Variants in SNX29 observed in about 807,000 individuals in gnomAD.
SNX29 encodes sorting nexin-29.
SNX29 carries 78 observed loss-of-function variants against 102.1 expected under a neutral mutation model. The observed-to-expected ratio is 0.76, with a 90% CI of 0.64 to 0.92. The LOEUF (loss-of-function observed/expected upper bound fraction) is 0.92, where lower values mean the gene tolerates loss of function less well. Ranked by LOEUF, SNX29 falls within the 40% of genes least tolerant of loss-of-function variation. The pLI, the probability that SNX29 is intolerant of heterozygous loss-of-function variation, is 0.00. For synonymous variants in SNX29, 580 were observed against 414.5 expected (o/e 1.40, Z -4.85); for missense variants, 1,280 against 1,061.7 (o/e 1.21, Z -2.86).
rs574895854 is a variant in SNX29 at position 12,246,392 on chromosome 16, G to C, written c.1679-31541G>C. On this transcript the variant is annotated intron_variant, in intron 14 of 20. Coordinates refer to ENST00000566228, the MANE Select transcript of SNX29 (RefSeq NM_032167.5). ...ATGGTGGCTCACGCTTGTAATCCCA[G>C]CACTTTGGGAGGCTGGGGCAGGCAG... Among the ~76,000 whole-genome samples, 348 of 152,202 alleles carry C rather than the reference G, an allele frequency of 2.3e-3. 1 individual carries two copies. The highest frequency in any genetic ancestry group is 6.8e-3 in the Middle Eastern group (2 of 294).
intron 14 of SNX29, among the ~76,000 whole-genome samples, chr16:12,240,071 G>T (rs1274035823): frequency 6.6e-6 from 1 of 152,178 alleles, no homozygotes; most frequent in African/African-American, 2.4e-5. Flanking sequence ...GAGCAGTTTT[G>T]TGTCTTTAAA....
rs537057008 is a variant in SNX29, at chr16:12,534,177, A to T, written c.2318+9336A>T. Among the ~76,000 whole-genome samples the T allele has an allele frequency of 1.9e-3, 286 of 152,332 alleles. 1 individual carries two copies. The highest frequency in any genetic ancestry group is 6.7e-3 in the African/African-American group (278 of 41,576). Reference sequence around the variant, plus strand: ...AGCGCGGCCTCTGCGGTTCTGACTGAGGTCTTCATAAGAGTGTGGGCTCCA... The same window carrying T: ...AGCGCGGCCTCTGCGGTTCTGACTGTGGTCTTCATAAGAGTGTGGGCTCCA... On this transcript the variant is annotated intron_variant, in intron 20 of 20. Transcript: ENST00000566228.
At chr16:12,554,774 G>T (rs11641620) in intron 20 of SNX29, among the ~76,000 whole-genome samples, 4 of 148,136 alleles carry the variant, frequency 2.7e-5, no homozygotes, top group African/African-American at 7.9e-5. Context: ...TCTCTCCCCC[G>T]CCATAGAATG....
intron 11 of SNX29, among the ~76,000 whole-genome samples, chr16:12,097,870 C>CG (rs978429815): frequency 6.6e-6 from 1 of 152,040 alleles, no homozygotes; most frequent in South Asian, 2.1e-4. Flanking sequence ...AGTTGGAAGG[C>CG]GGGGGTGGTG....
At chr16:12,356,852 T>C (rs1299753485) in intron 16 of SNX29, among the ~76,000 whole-genome samples, 1 of 152,234 alleles carries the variant, frequency 6.6e-6, no homozygotes, top group East Asian at 1.9e-4. Flanking sequence ...GCCAGTAGCT[T>C]CACCTCGCCA....
At chr16:12,084,923 A>G (rs1469290733) in intron 11 of SNX29, among the ~76,000 whole-genome samples, 7 of 152,056 alleles carry the variant, frequency 4.6e-5, no homozygotes, top group South Asian at 4.2e-4. Context: ...AAAAAAAATT[A>G]CCTGGATATG....
chr16:12,280,282 G>C (rs553443187), intron 15 of SNX29, among the ~76,000 whole-genome samples: 1 of 152,334 alleles, frequency 6.6e-6, no homozygotes, highest in South Asian at 2.1e-4. Flanking sequence ...TGCTGTGGCT[G>C]TGTCCTGGCC....
chr16:12,529,408 C>T (rs772924437), intron 20 of SNX29, among the ~76,000 whole-genome samples: 12 of 152,286 alleles, frequency 7.9e-5, no homozygotes, highest in South Asian at 2.1e-4. Flanking sequence ...AGGTACCGTT[C>T]GTGGAGGGAG....
At chr16:12,198,167 G>A (rs2076825229) in intron 13 of SNX29, among the ~76,000 whole-genome samples, 2 of 152,200 alleles carry the variant, frequency 1.3e-5, no homozygotes, top group African/African-American at 4.8e-5. Flanking sequence ...TCAAAGCATG[G>A]AGGAAGGCCT....
chr16:12,166,952 A>G (rs2076029754), intron 13 of SNX29, among the ~76,000 whole-genome samples: 2 of 152,232 alleles, frequency 1.3e-5, no homozygotes, highest in Admixed American at 1.3e-4. Flanking sequence ...GGGTTGCTGC[A>G]TGGAGCTCTC....
At chr16:12,117,772 G>A (rs2053794865) in intron 11 of SNX29, among the ~76,000 whole-genome samples, 1 of 152,162 alleles carries the variant, frequency 6.6e-6, no homozygotes, top group Non-Finnish European at 1.5e-5. Context: ...TATGTGATAT[G>A]AATCGTACCT....
At chr16:12,123,214 T>C (rs926190357) in intron 11 of SNX29, among the ~76,000 whole-genome samples, 6 of 152,224 alleles carry the variant, frequency 3.9e-5, no homozygotes, top group Non-Finnish European at 7.3e-5. Flanking sequence ...TGTATTTCGT[T>C]ATGACTACCA....
At chr16:11,991,581 C>T (rs1034686281) in intron 1 of SNX29, among the ~76,000 whole-genome samples, 6 of 151,980 alleles carry the variant, frequency 3.9e-5, no homozygotes, top group African/African-American at 9.7e-5. Flanking sequence ...CTCACTCTGT[C>T]GCCCAGGCTG....
At chr16:12,340,404 CAGAGGAGGAAGGA>C (rs2081577309) in intron 15 of SNX29, among the ~76,000 whole-genome samples, 2 of 152,204 alleles carry the variant, frequency 1.3e-5, no homozygotes, top group Non-Finnish European at 2.9e-5. Context: ...GATGTAAGCT[CAGAGGAGGAAGGA>C]GCTTTTATCT....
At chr16:12,184,023 GGGCTGCTCT>G (rs1175067027) in intron 13 of SNX29, among the ~76,000 whole-genome samples, 24 of 152,256 alleles carry the variant, frequency 1.6e-4, no homozygotes, top group African/African-American at 5.8e-4. Context: ...GCATCCCTCG[GGGCTGCTCT>G]GTTGATGGAG....
At chr16:12,045,397 C>A (rs540104294) in intron 5 of SNX29, among the ~76,000 whole-genome samples, 43 of 124,988 alleles carry the variant, frequency 3.4e-4, no homozygotes, top group Admixed American at 3.4e-3. Context: ...CATTACTTAA[C>A]AGGAAGACAG....
chr16:12,079,562 G>A (rs2051760261), intron 11 of SNX29, among the ~76,000 whole-genome samples: 1 of 152,132 alleles, frequency 6.6e-6, no homozygotes, highest in South Asian at 2.1e-4. Context: ...AGGCGTTTGG[G>A]AGGCACCTAG....
chr16:12,321,711 T>C (rs1039165766), intron 15 of SNX29, among the ~76,000 whole-genome samples: 16 of 152,120 alleles, frequency 1.1e-4, no homozygotes, highest in Non-Finnish European at 2.2e-4. Context: ...ACCCAGGTCT[T>C]ATGAGGGCCC....
At chr16:12,323,517 TAAA>T (rs33988318) in intron 15 of SNX29, among the ~76,000 whole-genome samples, 5 of 146,398 alleles carry the variant, frequency 3.4e-5, no homozygotes, top group African/African-American at 1.0e-4. Flanking sequence ...CTAGAGGTTT[TAAA>T]AAAAAAAAAA....
Sources: gnomAD v4.1 joint callset for allele counts (sites outside exome capture counted in the v4.1 genomes callset) on GRCh38, gnomAD v4.1.1 for gene constraint, MANE v1.5 for transcripts, NCBI Gene and HGNC (gene_info 2026-07-23, HGNC 2026-07-21) for gene names.